CACNA2D3: variants seen among roughly 807,000 people sequenced by gnomAD.
CACNA2D3 encodes the protein voltage-dependent calcium channel subunit alpha-2/delta-3.
Under a neutral mutation model 160.6 loss-of-function variants are expected in CACNA2D3, and 60 were observed. The observed-to-expected ratio is 0.37, with a 90% confidence interval of 0.30 to 0.46. CACNA2D3 has a LOEUF of 0.46. Among genes scored for constraint, CACNA2D3 ranks in the 20% least tolerant of loss-of-function variants. The pLI is 1.00. For missense variants in CACNA2D3, 1,205 were observed against 1,365.0 expected, an observed-to-expected ratio of 0.88 and a Z score of 1.85; for synonymous variants, 558 against 492.9, an observed-to-expected ratio of 1.13 and a Z score of -1.75.
At chr3:54,156,012 G>GT (rs1249439837) in intron 2 of CACNA2D3, among the ~76,000 whole-genome samples, 2 of 152,162 alleles carry the variant, frequency 1.3e-5, no homozygotes, top group Non-Finnish European at 2.9e-5. Context: ...GGCTAATTTT[G>GT]TTTTTTTGAG....
intron 2 of CACNA2D3, among the ~76,000 whole-genome samples, chr3:54,274,555 C>G (rs923109429): frequency 1.3e-5 from 2 of 152,186 alleles, no homozygotes; most frequent in Admixed American, 6.5e-5. Flanking sequence ...CCAAAATTAT[C>G]TATTGTTGTA....
intron 4 of CACNA2D3, among the ~76,000 whole-genome samples, chr3:54,450,647 C>T (rs1575461439): frequency 6.6e-6 from 1 of 152,096 alleles, no homozygotes; most frequent in East Asian, 1.9e-4. Context: ...CTCTTGCTTC[C>T]TCTCTCAGCA....
intron 4 of CACNA2D3, among the ~76,000 whole-genome samples, chr3:54,455,254 A>G (rs9867394): frequency 0.43 from 64,803 of 151,718 alleles, 14,242 homozygotes; most frequent in Admixed American, 0.52. Flanking sequence ...CCTCACCAAC[A>G]TTTGCTTTTT....
chr3:54,385,801 A>G (rs189982092), intron 3 of CACNA2D3: 273 of 408,014 alleles, frequency 6.7e-4, no homozygotes, highest in African/African-American at 5.2e-3. Context: ...AGAAAAAGCA[A>G]GTTAAAGACA....
chr3:54,927,850 A>G, intron 27 of CACNA2D3: 2 of 1,592,524 alleles, frequency 1.3e-6, no homozygotes, highest in Admixed American at 1.7e-5. Flanking sequence ...TTGTGAGGGG[A>G]TACCATCTTT....
intron 4 of CACNA2D3, among the ~76,000 whole-genome samples, chr3:54,494,915 C>T (rs2106928483): frequency 6.6e-6 from 1 of 152,282 alleles, no homozygotes; most frequent in Middle Eastern, 3.4e-3. Context: ...GTCATGAGGA[C>T]AGCAGGGGAA....
At chr3:54,400,266 C>T (rs555418958) in intron 4 of CACNA2D3, among the ~76,000 whole-genome samples, 16 of 151,702 alleles carry the variant, frequency 1.1e-4, no homozygotes, top group African/African-American at 1.7e-4. Flanking sequence ...TCTTCTGTGT[C>T]GCTCACGCTG....
intron 4 of CACNA2D3, among the ~76,000 whole-genome samples, chr3:54,425,559 C>T (rs1699900355): frequency 6.6e-6 from 1 of 152,218 alleles, no homozygotes; most frequent in Non-Finnish European, 1.5e-5. Flanking sequence ...CCCTGTTGTC[C>T]TCTCTCCAAC....
At chr3:54,142,353 G>C (rs1461038387) in intron 2 of CACNA2D3, among the ~76,000 whole-genome samples, 1 of 152,172 alleles carries the variant, frequency 6.6e-6, no homozygotes, top group Non-Finnish European at 1.5e-5. Context: ...GTTCAGCAAA[G>C]AGCTTTTCAG....
chr3:54,144,517 C>T (rs536029349), intron 2 of CACNA2D3, among the ~76,000 whole-genome samples: 75 of 152,358 alleles, frequency 4.9e-4, no homozygotes, highest in African/African-American at 1.7e-3. Context: ...CTTGTAGTAT[C>T]CAGCTCTGTG....
At chr3:54,667,814 G>T (rs1010625886) in intron 11 of CACNA2D3, among the ~76,000 whole-genome samples, 1 of 151,960 alleles carries the variant, frequency 6.6e-6, no homozygotes, top group African/African-American at 2.4e-5. Context: ...AGGCATGGTG[G>T]TGCATGCCTG....
intron 25 of CACNA2D3, among the ~76,000 whole-genome samples, chr3:54,891,708 G>A (rs1284035441): frequency 6.6e-6 from 1 of 152,136 alleles, no homozygotes; most frequent in African/African-American, 2.4e-5. Flanking sequence ...CTCCCGCCCT[G>A]ATGAGTCATT....
intron 11 of CACNA2D3, among the ~76,000 whole-genome samples, chr3:54,687,326 T>C (rs9857112): frequency 7.5e-6 from 1 of 132,678 alleles, no homozygotes; most frequent in Non-Finnish European, 1.7e-5. Context: ...TTTTTTTTTG[T>C]ACCTTTAATG....
At chr3:54,149,431 A>G (rs1214719499) in intron 2 of CACNA2D3, among the ~76,000 whole-genome samples, 1 of 152,176 alleles carries the variant, frequency 6.6e-6, no homozygotes. Context: ...AAAGGGGCCC[A>G]CACAAGTCCA....
intron 11 of CACNA2D3, among the ~76,000 whole-genome samples, chr3:54,750,454 G>C (rs976122551): frequency 4.6e-5 from 7 of 152,218 alleles, no homozygotes; most frequent in African/African-American, 1.7e-4. Context: ...CAAGAGACTT[G>C]ATTCCAGTTC....
chr3:54,722,230 G>A (rs1391754657), intron 11 of CACNA2D3, among the ~76,000 whole-genome samples: 4 of 152,074 alleles, frequency 2.6e-5, no homozygotes, highest in African/African-American at 7.2e-5. Flanking sequence ...TATGCTTCAC[G>A]AAGTTCTCAT....
chr3:55,014,157 G>T (rs765609461), intron 34 of CACNA2D3, among the ~76,000 whole-genome samples: 4 of 152,184 alleles, frequency 2.6e-5, no homozygotes, highest in Non-Finnish European at 5.9e-5. Flanking sequence ...TTTATTCTAT[G>T]GTGATGAAGA....
At chr3:54,836,459 C>T (rs957182563) in intron 14 of CACNA2D3, among the ~76,000 whole-genome samples, 7 of 152,032 alleles carry the variant, frequency 4.6e-5, no homozygotes, top group African/African-American at 2.4e-5. Flanking sequence ...TGGTCTCAGT[C>T]TCCTGACCTC....
intron 2 of CACNA2D3, among the ~76,000 whole-genome samples, chr3:54,278,250 C>A (rs1257550536): frequency 6.6e-6 from 1 of 152,216 alleles, no homozygotes; most frequent in Non-Finnish European, 1.5e-5. Context: ...AGCTCATCAT[C>A]ACTGGTCATT....
Sources: allele counts gnomAD v4.1 joint callset (sites outside exome capture counted in the v4.1 genomes callset), GRCh38; gene constraint gnomAD v4.1.1; transcripts MANE v1.5; gene names NCBI Gene and HGNC (gene_info 2026-07-23, HGNC 2026-07-21).